The following IPO8 variants were observed in gnomAD, a reference collection of about 807,000 sequenced individuals.
IPO8 encodes importin 8, also known as importin-8.
A neutral mutation model predicts 141.2 loss-of-function variants in IPO8; 65 were observed. That is an observed-to-expected ratio of 0.46 (90% CI 0.38 to 0.57). IPO8 has a LOEUF of 0.57. Among genes scored for constraint, IPO8 ranks in the 20% least tolerant of loss-of-function variants. IPO8 has a pLI of 0.00. For missense variants in IPO8, 980 were observed against 1,246.8 expected, an observed-to-expected ratio of 0.79 and a Z score of 3.22; for synonymous variants, 411 against 420.3, an observed-to-expected ratio of 0.98 and a Z score of 0.27.
At chr12:30,690,640 C>T in intron 1 of IPO8, 63 bp from the exon 2 acceptor site, 1 of 843,950 alleles carries the variant, frequency 1.2e-6, no homozygotes, top group South Asian at 1.6e-5. Context: ...TATAAGTTAG[C>T]ACCGGTTACT....
chr12:30,672,460 C>T (rs1037166809), intron 8 of IPO8, among the ~76,000 whole-genome samples: 7 of 152,086 alleles, frequency 4.6e-5, no homozygotes, highest in Non-Finnish European at 8.8e-5. Context: ...CCCTACACAA[C>T]AGTGGGGGAG....
At chr12:30,662,821 A>G (rs1381382456) in intron 14 of IPO8, among the ~76,000 whole-genome samples, 4 of 152,114 alleles carry the variant, frequency 2.6e-5, no homozygotes. Flanking sequence ...AGTTCTCATG[A>G]CAAGTTATAA....
intron 2 of IPO8, among the ~76,000 whole-genome samples, chr12:30,687,131 T>C (rs2053249951): frequency 6.6e-6 from 1 of 152,152 alleles, no homozygotes; most frequent in Non-Finnish European, 1.5e-5. Flanking sequence ...AGGACTAATA[T>C]CATGTTAATC....
rs540356081 is a variant in IPO8 at position 30,673,402 on chromosome 12, G to A, written c.909+588C>T. Among the ~76,000 whole-genome samples the A allele has an allele frequency of 8.5e-5, 13 of 152,192 alleles. No individual in the cohort carries two copies. The East Asian group carries it at 1.9e-3, about 23-fold the overall frequency. ...TGAAACATAAAAATATGATTTAAAT[G>A]GCAACACTGATCAACCAATTTTCAT... On this transcript the variant is annotated intron_variant, in intron 8 of 24. Coordinates refer to ENST00000256079, the MANE Select transcript of IPO8 (RefSeq NM_006390.4).
intron 19 of IPO8, among the ~76,000 whole-genome samples, chr12:30,649,747 A>G (rs1195141162): frequency 6.6e-6 from 1 of 152,140 alleles, no homozygotes; most frequent in East Asian, 1.9e-4. Flanking sequence ...AATATAACAA[A>G]GTTATCAGAC....
intron 24 of IPO8, 32 bp downstream of exon 24, chr12:30,631,863 T>G: frequency 2.8e-6 from 4 of 1,440,570 alleles, no homozygotes; most frequent in East Asian, 2.3e-5. Context: ...CTCTGACACA[T>G]GCACTCCACT....
Position 30,630,547 on chromosome 12 carries a change from T to G in IPO8, c.*313A>C, listed in dbSNP as rs1392321274. ...CCATTGATTCTGCATGGCAAAAACC[T>G]GAGACGTGCAAGTCTATCCAATCCT... On this transcript the variant is annotated 3_prime_UTR_variant, in exon 25 of 25. Transcript: ENST00000256079. The G allele has an allele frequency of 6.8e-6, 2 of 292,320 alleles. No individual in the cohort carries two copies. The highest frequency in any genetic ancestry group is 1.3e-4 in the East Asian group (2 of 15,944). The allele number at this position is 292,320 out of a possible 1,614,324, so 18.1% of individuals were successfully genotyped here.
chr12:30,649,199 ACT>A lies in IPO8; in HGVS notation c.2204_2205del (p.Glu735ValfsTer5). On this transcript the variant is annotated frameshift_variant, in exon 20 of 25. Coordinates refer to ENST00000256079, the MANE Select transcript of IPO8 (RefSeq NM_006390.4). LOFTEE classifies it high-confidence loss of function. Reference protein sequence around the residue: ...VLCGDAGEDAECHAAKLLEVI... With the variant: ...VLCGDAGEDAXCHAAKLLEVI... ...ACTTCCAGAAGTTTAGCTGCATGAC[ACT>A]CTGCATCTTCTCCTGCATCTCCACA... 1.2e-6 allele frequency: 2 copies of A among 1,613,162 alleles called. No individual in the cohort carries two copies. Among genetic ancestry groups the A allele is most frequent in the Non-Finnish European group, 1.7e-6 (2 of 1,179,382 alleles).
chr12:30,644,647 T>TTG (rs537445734), intron 20 of IPO8, among the ~76,000 whole-genome samples: 1 of 96,834 alleles, frequency 1.0e-5, no homozygotes, highest in Non-Finnish European at 2.1e-5. Context: ...GGTGTTTTTT[T>TTG]TTTTTGTTTT....
At chr12:30,693,353 A>G (rs1290065887) in intron 1 of IPO8, among the ~76,000 whole-genome samples, 2 of 152,208 alleles carry the variant, frequency 1.3e-5, no homozygotes, top group Non-Finnish European at 2.9e-5. Context: ...AGTAACAGAA[A>G]AATGCTGGCC....
chr12:30,666,057 T>G, intron 11 of IPO8, 118 bp downstream of exon 11: 1 of 747,782 alleles, frequency 1.3e-6, no homozygotes, highest in Non-Finnish European at 2.1e-6. Context: ...AAAAAATCCT[T>G]AAGGTGACAA....
At chr12:30,635,739 G>A (rs192042428) in intron 22 of IPO8, among the ~76,000 whole-genome samples, 1 of 152,028 alleles carries the variant, frequency 6.6e-6, no homozygotes, top group Non-Finnish European at 1.5e-5. Context: ...GGTAGTTTTA[G>A]GAATAAGGCA....
In IPO8 at chr12:30,630,864, T is replaced by G. The variant is rs761992598; in HGVS notation, c.3110A>C (p.Asn1037Thr). Residue 1037 changes from asparagine to threonine, a missense_variant, in exon 25 of 25, where the codon AAC becomes ACC. Coordinates refer to ENST00000256079, the MANE Select transcript of IPO8 (RefSeq NM_006390.4). ...AFNFGTVPSN[N>T] is the part of the protein sequence containing the mutation. ...GGTCAGCTGATGTTCTTTCCTTCAG[T>G]TGTTGCTGGGCACAGTCCCAAAATT... 15 of 1,610,990 alleles carry G rather than the reference T, an allele frequency of 9.3e-6. No homozygotes were observed. In the East Asian group the frequency reaches 3.1e-4, roughly 34 times the overall value.
At chr12:30,675,051 T>C (rs2053101337) in intron 6 of IPO8, among the ~76,000 whole-genome samples, 1 of 152,252 alleles carries the variant, frequency 6.6e-6, no homozygotes, top group Non-Finnish European at 1.5e-5. Context: ...GAAAGGGTTC[T>C]ACATTTTTAT....
At chr12:30,656,034 T>A (rs1313101656) in intron 17 of IPO8, among the ~76,000 whole-genome samples, 20 of 152,134 alleles carry the variant, frequency 1.3e-4, no homozygotes, top group Admixed American at 1.3e-3. Flanking sequence ...TAATAGATAA[T>A]AGGACAATTA....
Position 30,676,511 on chromosome 12 carries a change from C to G in IPO8, c.716G>C (p.Arg239Thr). ...GCTTTTTCTTACAGGAGGAACGGTC[C>G]TGTCGATAATAGTTCGGAAGATCTC... ...WMEIFRTIIDRTVPPETLHID... is the reference protein window; with the variant it reads ...WMEIFRTIIDTTVPPETLHID... Residue 239 changes from arginine to threonine, a missense_variant, in exon 6 of 25, where the codon AGG becomes ACG. Transcript: ENST00000256079. 6.2e-7 allele frequency: 1 copy of G among 1,612,522 alleles called. No homozygotes were observed. Among genetic ancestry groups the G allele is most frequent in the Non-Finnish European group, 8.5e-7 (1 of 1,178,780 alleles).
Position 30,680,488 on chromosome 12 carries a change from A to G in IPO8, c.633T>C (p.Leu211=), listed in dbSNP as rs778845981. 3.7e-6 allele frequency: 6 copies of G among 1,608,838 alleles called. No individual in the cohort carries two copies. In the South Asian group the frequency reaches 6.7e-5, roughly 18 times the overall value. Residue 211 remains leucine, a synonymous_variant, in exon 5 of 25, where the codon CTT becomes CTC. Transcript: ENST00000256079. The stretch of plus-strand genomic sequence containing the variant: ...TTCTGCAATAGAAACCTACCTGAAC[A>G]AGTGCATAAAAGATTTTCAGAATTT... The part of the protein sequence containing the change: ...QKQILKIFYA[L]VQYALPLQLV...
At chr12:30,688,271 A>G in intron 2 of IPO8, 1 of 257,754 alleles carries the variant, frequency 3.9e-6, no homozygotes, top group Non-Finnish European at 7.8e-6. Context: ...CCAAACATTC[A>G]AATTTTTTTG....
rs556833647 is a variant in IPO8 at position 30,635,143 on chromosome 12, G to A, written c.2696-857C>T. On this transcript the variant is annotated intron_variant, in intron 22 of 24. Transcript: ENST00000256079. The stretch of plus-strand genomic sequence containing the variant: ...ACTCATAGAAGTAGAGAATAGAATG[G>A]TGGTTACCAGAGGCTAGAGGTGGTG... Among the ~76,000 whole-genome samples, 15 of 152,204 alleles carry A rather than the reference G, an allele frequency of 9.9e-5. 1 individual carries two copies. Among genetic ancestry groups the A allele is most frequent in the Admixed American group, 9.8e-4 (15 of 15,294 alleles).
Sources: gnomAD v4.1 joint callset for allele counts (sites outside exome capture counted in the v4.1 genomes callset) on GRCh38, gnomAD v4.1.1 for gene constraint, MANE v1.5 for transcripts, NCBI Gene and HGNC (gene_info 2026-07-23, HGNC 2026-07-21) for gene names.